USE1: variants seen among roughly 807,000 people sequenced by gnomAD.
USE1 encodes unconventional SNARE in the ER 1, also known as vesicle transport protein USE1.
Under a neutral mutation model 37.6 loss-of-function variants are expected in USE1, and 32 were observed. The ratio of observed to expected loss-of-function variants is 0.85; its 90% CI spans 0.64 to 1.14. The LOEUF is 1.14. Among genes scored for constraint, USE1 ranks in the 50% most tolerant of loss-of-function variants. The pLI is 0.00. For missense variants in USE1, 310 were observed against 332.2 expected (o/e 0.93, Z 0.52); for synonymous variants, 149 against 137.6 (o/e 1.08, Z -0.58).
rs1190145894 is a variant in USE1 at position 17,219,746 on chromosome 19, T to A, written c.713T>A (p.Leu238His). ...GTCAACTGGCTGCTCTGGGCCATGCTCATTATCGTCTGCTTCATCTTCATT... is the reference window on the plus strand; with the variant it reads ...GTCAACTGGCTGCTCTGGGCCATGCACATTATCGTCTGCTTCATCTTCATT... ...KSVNWLLWAM[L>H]IIVCFIFISM... The change falls in exon 8 of 8, where the codon CTC becomes CAC. Residue 238 changes from leucine (L) to histidine (H), a missense_variant. Leu to His is a moderately conservative substitution (Grantham distance 99). Transcript: ENST00000263897. 1 of 1,612,780 alleles carries A rather than the reference T, an allele frequency of 6.2e-7. No homozygotes were observed. The highest frequency in any genetic ancestry group is 8.5e-7 in the Non-Finnish European group (1 of 1,179,162).
intron 5 of USE1, 29 bp downstream of exon 5, chr19:17,217,491 G>C (rs1378576800): frequency 6.2e-7 from 1 of 1,609,940 alleles, no homozygotes; most frequent in African/African-American, 1.3e-5. Context: ...AACAGGACTT[G>C]AGGGCCAGCT....
intron 4 of USE1, 77 bp downstream of exon 4, chr19:17,216,398 C>A: frequency 6.4e-7 from 1 of 1,559,208 alleles, no homozygotes. Context: ...GCCAGAACCA[C>A]AATACTGTCA....
Position 17,215,487 on chromosome 19 carries a change from G to C in USE1, c.82G>C (p.Asp28His). 6.4e-7 allele frequency: 1 copy of C among 1,561,906 alleles called. No homozygotes were observed. The highest frequency in any genetic ancestry group is 1.2e-5 in the South Asian group (1 of 84,682). ...EAMAAEKRDP[D>H]EWRLEKYVGA... The stretch of plus-strand genomic sequence containing the variant: ...GATGGCAGCGGAGAAACGGGACCCG[G>C]ACGAGTGGCGCCTGGAGAAGGTGAG... Residue 28 changes from aspartate to histidine, a missense_variant, in exon 1 of 8, where the codon GAC (aspartate) becomes CAC (histidine). Physicochemically the swap from Asp to His is moderately conservative, Grantham distance 81. Transcript: ENST00000263897.
At chr19:17,217,628 A>C in intron 5 of USE1, 166 bp downstream of exon 5, 3 of 1,055,224 alleles carry the variant, frequency 2.8e-6, no homozygotes, top group Non-Finnish European at 2.8e-6. Flanking sequence ...AATGGCCCCG[A>C]GAGGAAACAA....
intron 3 of USE1, 41 bp downstream of exon 3, chr19:17,216,111 C>T (rs2073288533): frequency 6.2e-7 from 1 of 1,613,446 alleles, no homozygotes; most frequent in African/African-American, 1.3e-5. Flanking sequence ...CCCATCACCG[C>T]TCACTTTGGT....
At chr19:17,218,278 C>A (rs377368506) in intron 5 of USE1, 86 bp from the exon 6 acceptor site, 8 of 1,574,138 alleles carry the variant, frequency 5.1e-6, no homozygotes, top group Non-Finnish European at 6.9e-6. Flanking sequence ...GCATTCCAAG[C>A]AGTAGACCCA....
At chr19:17,218,272 T>G in intron 5 of USE1, 92 bp from the exon 6 acceptor site, 1 of 1,563,236 alleles carries the variant, frequency 6.4e-7, no homozygotes, top group Non-Finnish European at 8.7e-7. Flanking sequence ...GAAACAGCAT[T>G]CCAAGCAGTA....
rs934970149 is a variant in USE1, at chr19:17,219,626, C to A, written c.598-5C>A. On this transcript the variant is annotated splice_region_variant and splice_polypyrimidine_tract_variant and intron_variant, in intron 7 of 7. Coordinates refer to ENST00000263897, the MANE Select transcript of USE1 (RefSeq NM_018467.4). ...CTGTTGACACCTTTTCCACCTCCCC[C>A]ACAGACCCTGTCACACTCACTGAAA... 8.8e-6 allele frequency: 14 copies of A among 1,595,586 alleles called. No individual in the cohort carries two copies. The highest frequency in any genetic ancestry group is 1.1e-5 in the Non-Finnish European group (13 of 1,167,168).
chr19:17,215,466 G>T lies in USE1; in HGVS notation c.61G>T (p.Ala21Ser), dbSNP rs1258038351. ...VRLLSRCEAM[A>S]AEKRDPDEWR... ...GCTGCTATCCCGCTGCGAGGCGATG[G>T]CAGCGGAGAAACGGGACCCGGACGA... Residue 21 changes from alanine (A) to serine (S), a missense_variant, in exon 1 of 8, where the codon GCA becomes TCA. Transcript: ENST00000263897. 6.4e-7 allele frequency: 1 copy of T among 1,564,626 alleles called. No individual in the cohort carries two copies. The highest frequency in any genetic ancestry group is 8.6e-7 in the Non-Finnish European group (1 of 1,156,240).
In USE1 at chr19:17,219,756, C is replaced by G; in HGVS notation, c.723C>G (p.Val241=). 1 of 1,612,196 alleles carries G rather than the reference C, an allele frequency of 6.2e-7. No individual in the cohort carries two copies. The highest frequency in any genetic ancestry group is 8.5e-7 in the Non-Finnish European group (1 of 1,178,888). ...TGCTCTGGGCCATGCTCATTATCGT[C>G]TGCTTCATCTTCATTAGCATGATCC... The part of the protein sequence containing the change: ...NWLLWAMLII[V]CFIFISMILF... The change falls in exon 8 of 8, where the codon GTC becomes GTG. Residue 241 remains valine (V), a synonymous_variant. Transcript: ENST00000263897.
At position 17,215,361 on chromosome 19, in the gene USE1, CTT is replaced by C. The variant is rs1299415761; in HGVS notation, c.-44_-43del. On this transcript the variant is annotated 5_prime_UTR_variant, in exon 1 of 8. Transcript: ENST00000263897. ...CCACTTGAAGGCACTTCCGCCCTCT[CTT>C]AACATGGAGCCGGCGGAAGGGGTGG... The C allele has an allele frequency of 4.0e-5, 61 of 1,540,644 alleles. No individual in the cohort carries two copies. Among genetic ancestry groups the C allele is most frequent in the Middle Eastern group, 1.7e-4 (1 of 5,932 alleles).
At position 17,216,078 on chromosome 19, in the gene USE1, G is replaced by C; in HGVS notation, c.231+8G>C. 1 of 1,613,056 alleles carries C rather than the reference G, an allele frequency of 6.2e-7. No homozygotes were observed. The highest frequency in any genetic ancestry group is 8.5e-7 in the Non-Finnish European group (1 of 1,179,552). On this transcript the variant is annotated splice_region_variant and intron_variant, in intron 3 of 7. Coordinates refer to ENST00000263897, the MANE Select transcript of USE1 (RefSeq NM_018467.4). ...CTGCAAGCCGAGAAGCTGGTGAGAA[G>C]GGGTGCCCCTGCCCCCTCAGCCCCC...
At position 17,219,791 on chromosome 19, in the gene USE1, G is replaced by A. The variant is rs201756687; in HGVS notation, c.758G>A (p.Arg253Gln). 65 of 1,600,064 alleles carry A rather than the reference G, an allele frequency of 4.1e-5. No homozygotes were observed. Among genetic ancestry groups the A allele is most frequent in the Non-Finnish European group, 5.1e-5 (60 of 1,172,386 alleles). Reference protein sequence around the residue: ...FIFISMILFIRIMPKLK With the variant: ...FIFISMILFIQIMPKLK ...TTCATTAGCATGATCCTCTTCATTCGAATCATGCCTAAACTCAAATAAAGA... is the reference window on the plus strand; with the variant it reads ...TTCATTAGCATGATCCTCTTCATTCAAATCATGCCTAAACTCAAATAAAGA... The change falls in exon 8 of 8, where the codon CGA becomes CAA. Residue 253 changes from arginine (R) to glutamine (Q), a missense_variant. Transcript: ENST00000263897.
Position 17,215,921 on chromosome 19 carries a change from A to G in USE1, c.152+70A>G, listed in dbSNP as rs552427424. ...TGCTACTGGACATCCCAGTACCGCTATCCCAGCTGGGACCCTTCCCTGAGC... is the reference window on the plus strand; with the variant it reads ...TGCTACTGGACATCCCAGTACCGCTGTCCCAGCTGGGACCCTTCCCTGAGC... On this transcript the variant is annotated intron_variant, in intron 2 of 7. Transcript: ENST00000263897. The G allele has an allele frequency of 3.2e-5, 51 of 1,583,914 alleles. No homozygotes were observed. In the Middle Eastern group the frequency reaches 1.3e-3, roughly 41 times the overall value.
At chr19:17,218,161 A>C in intron 5 of USE1, 1 of 614,894 alleles carries the variant, frequency 1.6e-6, no homozygotes, top group Non-Finnish European at 2.9e-6. Context: ...GGAGGGAGGG[A>C]CCTGGGGTCT....
intron 5 of USE1, 85 bp downstream of exon 5, chr19:17,217,547 C>G (rs568329440): frequency 1.4e-5 from 21 of 1,549,708 alleles, no homozygotes; most frequent in South Asian, 2.3e-5. Context: ...GCCTCCATGC[C>G]GAGACTCCAT....
chr19:17,215,479 G>C lies in USE1; in HGVS notation c.74G>C (p.Arg25Pro). The C allele has an allele frequency of 1.3e-6, 2 of 1,564,114 alleles. No individual in the cohort carries two copies. Among genetic ancestry groups the C allele is most frequent in the Non-Finnish European group, 1.7e-6 (2 of 1,155,906 alleles). The change falls in exon 1 of 8, where the codon CGG becomes CCG. Residue 25 changes from arginine (R) to proline (P), a missense_variant. Coordinates refer to ENST00000263897, the MANE Select transcript of USE1 (RefSeq NM_018467.4). ...TGCGAGGCGATGGCAGCGGAGAAAC[G>C]GGACCCGGACGAGTGGCGCCTGGAG... ...SRCEAMAAEK[R>P]DPDEWRLEKY...
Position 17,219,185 on chromosome 19 carries a change from G to GTCC in USE1, c.423-21_423-19dup, listed in dbSNP as rs1026040591. 4.4e-6 allele frequency: 7 copies of GTCC among 1,597,298 alleles called. No individual in the cohort carries two copies. In the African/African-American group the frequency reaches 5.4e-5, roughly 12 times the overall value. On this transcript the variant is annotated intron_variant, in intron 6 of 7. Coordinates refer to ENST00000263897, the MANE Select transcript of USE1 (RefSeq NM_018467.4). ...TCCCCTTTCCCACTCCATCTCTCAT[G>GTCC]TCCTCCTCCCCCCGTGTGTGAAATC...
rs1258566042 is a variant in USE1, at chr19:17,218,363, G to T, written c.395-1G>T. The T allele has an allele frequency of 6.2e-7, 1 of 1,613,574 alleles. No individual in the cohort carries two copies. The highest frequency in any genetic ancestry group is 2.2e-5 in the East Asian group (1 of 44,864). Reference sequence around the variant, plus strand: ...TTTTGCTTGGCCTGTTTTGCTTTCAGAGCCTGAGATGGACGTAAGGAAGAG... The same window carrying T: ...TTTTGCTTGGCCTGTTTTGCTTTCATAGCCTGAGATGGACGTAAGGAAGAG... On this transcript the variant is annotated splice_acceptor_variant, in intron 5 of 7. Coordinates refer to ENST00000263897, the MANE Select transcript of USE1 (RefSeq NM_018467.4). LOFTEE classifies it high-confidence loss of function.
Sources: allele counts gnomAD v4.1 joint callset, GRCh38; gene constraint gnomAD v4.1.1; transcripts MANE v1.5; gene names NCBI Gene and HGNC (gene_info 2026-07-23, HGNC 2026-07-21).